KMO: variants seen among roughly 807,000 people sequenced by gnomAD.
The protein encoded by KMO is kynurenine 3-monooxygenase.
In KMO, 24 loss-of-function variants were observed where a neutral mutation model predicts 57.8. The observed-to-expected ratio is 0.42, with a 90% CI of 0.30 to 0.58. The LOEUF is 0.58. KMO is among the 20% of genes least tolerant of loss of function. The probability of loss-of-function intolerance (pLI) is 0.22; values close to 1 mark genes in which losing one functional copy is unlikely to be tolerated. For missense variants in KMO, 483 were observed against 588.2 expected (o/e 0.82, Z 1.85); for synonymous variants, 210 against 193.6 (o/e 1.08, Z -0.70).
At chr1:241,544,303 A>T (rs1034117459) in intron 1 of KMO, among the ~76,000 whole-genome samples, 3 of 152,176 alleles carry the variant, frequency 2.0e-5, no homozygotes, top group African/African-American at 7.2e-5. Flanking sequence ...TAACGGTAAA[A>T]ACCGTGATTC....
intron 4 of KMO, among the ~76,000 whole-genome samples, chr1:241,553,719 G>A (rs1429555947): frequency 6.6e-6 from 1 of 152,070 alleles, no homozygotes; most frequent in Non-Finnish European, 1.5e-5. Context: ...AATTAAAAAA[G>A]CTTTATAATT....
intron 1 of KMO, among the ~76,000 whole-genome samples, chr1:241,533,759 C>T (rs931821564): frequency 6.6e-6 from 1 of 152,114 alleles, no homozygotes; most frequent in Non-Finnish European, 1.5e-5. Flanking sequence ...AAGAGAAGCA[C>T]TATGAAAGAA....
intron 6 of KMO, 73 bp downstream of exon 6, chr1:241,560,825 C>A: frequency 2.1e-6 from 2 of 961,170 alleles, no homozygotes; most frequent in South Asian, 1.3e-5. Context: ...AAACTTTGTT[C>A]TTTGGCTCTT....
At chr1:241,549,034 A>G in intron 2 of KMO, 136 bp downstream of exon 2, 1 of 568,694 alleles carries the variant, frequency 1.8e-6, no homozygotes, top group South Asian at 1.9e-5. Flanking sequence ...CCCCATCTCT[A>G]CAAAAAATAC....
At chr1:241,589,826 C>T (rs527302942) in intron 12 of KMO, among the ~76,000 whole-genome samples, 186 bp from the exon 13 acceptor site, 30 of 152,096 alleles carry the variant, frequency 2.0e-4, no homozygotes, top group Non-Finnish European at 3.5e-4. Flanking sequence ...TGTACATTTT[C>T]GAGGCAACGT....
Position 241,548,853 on chromosome 1 carries a change from C to G in KMO, c.79C>G (p.Leu27Val), listed in dbSNP as rs1661255496. 1 of 1,603,822 alleles carries G rather than the reference C, an allele frequency of 6.2e-7. No individual in the cohort carries two copies. The highest frequency in any genetic ancestry group is 2.2e-5 in the East Asian group (1 of 44,778). The change falls in exon 2 of 15, where the codon CTT (leucine) becomes GTT (valine). Residue 27 changes from leucine to valine, a missense_variant. Leu to Val is a conservative substitution (Grantham distance 32). Transcript: ENST00000366559. Reference sequence around the variant, plus strand: ...GGTTGGCTCATTACAAGCATGCTTTCTTGCAAAGAGGAATTTCCAGATTGA... The same window carrying G: ...GGTTGGCTCATTACAAGCATGCTTTGTTGCAAAGAGGAATTTCCAGATTGA... ...GLVGSLQACFLAKRNFQIDVY... is the reference protein window; with the variant it reads ...GLVGSLQACFVAKRNFQIDVY...
chr1:241,548,900 T>C lies in KMO; in HGVS notation c.124+2T>C, dbSNP rs569031472. ...TTGATGTATATGAAGCTAGGGAAGG[T>C]ACGTCCATGGTGAAAAAAGCAGGAT... On this transcript the variant is annotated splice_donor_variant, in intron 2 of 14. Coordinates refer to ENST00000366559, the MANE Select transcript of KMO (RefSeq NM_003679.5). LOFTEE classifies it high-confidence loss of function. The C allele has an allele frequency of 2.2e-5, 36 of 1,600,864 alleles. No homozygotes were observed. The South Asian group carries it at 3.5e-4, about 16-fold the overall frequency.
intron 1 of KMO, among the ~76,000 whole-genome samples, chr1:241,544,929 CTCCATACTCAAAAGTGG>C (rs1364858166): frequency 6.6e-6 from 1 of 151,988 alleles, no homozygotes; most frequent in African/African-American, 2.4e-5. Flanking sequence ...AGAAGTGGGC[CTCCATACTCAAAAGTGG>C]TTCATTAAAC....
intron 10 of KMO, among the ~76,000 whole-genome samples, chr1:241,569,625 G>A (rs1428407324): frequency 1.3e-5 from 2 of 152,132 alleles, no homozygotes; most frequent in Non-Finnish European, 2.9e-5. Context: ...ACATGGGAGT[G>A]CAGATATCTC....
intron 5 of KMO, among the ~76,000 whole-genome samples, chr1:241,558,869 T>C (rs575455555): frequency 1.5e-4 from 23 of 151,936 alleles, no homozygotes; most frequent in African/African-American, 5.3e-4. Flanking sequence ...TCCCAGCACT[T>C]TGGGAGGCCG....
intron 2 of KMO, 41 bp downstream of exon 2, chr1:241,548,939 G>A (rs112118355): frequency 1.1e-4 from 150 of 1,350,354 alleles, no homozygotes; most frequent in South Asian, 2.1e-4. Context: ...CGCTGGGCAC[G>A]GTGGCTCCTG....
chr1:241,585,372 T>C (rs1007789559), intron 10 of KMO, among the ~76,000 whole-genome samples: 3 of 152,208 alleles, frequency 2.0e-5, no homozygotes, highest in Non-Finnish European at 4.4e-5. Flanking sequence ...CTCTCACTTC[T>C]ATAGTATTGA....
chr1:241,551,778 A>G (rs772442968), intron 4 of KMO, among the ~76,000 whole-genome samples: 8 of 152,290 alleles, frequency 5.3e-5, no homozygotes, highest in Admixed American at 1.3e-4. Context: ...GTGAGAATTC[A>G]TATTCTTCTA....
Position 241,594,650 on chromosome 1 carries a change from C to A in KMO, c.*2497C>A, listed in dbSNP as rs756271002. Reference sequence around the variant, plus strand: ...GGTCTTTAGCAGGCCTCTGGCACCTCAGCAGTCGGAGGCACAGAAGCTGCA... The same window carrying A: ...GGTCTTTAGCAGGCCTCTGGCACCTAAGCAGTCGGAGGCACAGAAGCTGCA... On this transcript the variant is annotated 3_prime_UTR_variant, in exon 15 of 15. Transcript: ENST00000366559. 1 of 1,614,054 alleles carries A rather than the reference C, an allele frequency of 6.2e-7. No individual in the cohort carries two copies. The highest frequency in any genetic ancestry group is 2.2e-5 in the East Asian group (1 of 44,864).
chr1:241,586,191 C>CTTTTTTTTT (rs386370217), intron 10 of KMO, among the ~76,000 whole-genome samples: 11 of 80,056 alleles, frequency 1.4e-4, no homozygotes, highest in East Asian at 8.5e-4. Flanking sequence ...AGTCTATGGT[C>CTTTTTTTTT]TTTTTTTTTT....
chr1:241,559,079 G>A (rs1165022306), intron 5 of KMO, among the ~76,000 whole-genome samples: 5 of 149,564 alleles, frequency 3.3e-5, no homozygotes, highest in Non-Finnish European at 7.4e-5. Context: ...CATCCTGGGC[G>A]ACAAGAGTGA....
chr1:241,583,212 C>T (rs1299201835), intron 10 of KMO, among the ~76,000 whole-genome samples: 2 of 152,114 alleles, frequency 1.3e-5, no homozygotes, highest in African/African-American at 4.8e-5. Context: ...CTCCTGTGGC[C>T]ACCACAGCTG....
chr1:241,582,439 T>A (rs1220504779), intron 10 of KMO, among the ~76,000 whole-genome samples: 1 of 152,220 alleles, frequency 6.6e-6, no homozygotes, highest in African/African-American at 2.4e-5. Flanking sequence ...TCCTGGATCT[T>A]ATATGTATGC....
intron 3 of KMO, 51 bp downstream of exon 3, chr1:241,549,825 A>G (rs777445124): frequency 2.8e-6 from 3 of 1,090,430 alleles, no homozygotes; most frequent in Non-Finnish European, 4.2e-6. Flanking sequence ...TTTTTCAACA[A>G]TTGCATGGTT....
Sources: allele counts gnomAD v4.1 joint callset (sites outside exome capture counted in the v4.1 genomes callset), GRCh38; gene constraint gnomAD v4.1.1; transcripts MANE v1.5; gene names NCBI Gene and HGNC (gene_info 2026-07-23, HGNC 2026-07-21).